The following CALN1 variants were observed in gnomAD, a reference collection of about 807,000 sequenced individuals.
CALN1 encodes calneuron 1.
A neutral mutation model predicts 30.6 loss-of-function variants in CALN1; 17 were observed. The ratio of observed to expected loss-of-function variants is 0.56; its 90% CI spans 0.38 to 0.83. The LOEUF is 0.83. CALN1 is among the 40% of genes least tolerant of loss of function. The probability of loss-of-function intolerance (pLI) is 0.00; values close to 1 mark genes in which losing one functional copy is unlikely to be tolerated. For synonymous variants in CALN1, 156 were observed against 131.4 expected, an observed-to-expected ratio of 1.19 and a Z score of -1.28; for missense variants, 291 against 354.9, an observed-to-expected ratio of 0.82 and a Z score of 1.45.
At chr7:72,394,277 G>C (rs1412402095) in intron 2 of CALN1, among the ~76,000 whole-genome samples, 1 of 152,142 alleles carries the variant, frequency 6.6e-6, no homozygotes, top group African/African-American at 2.4e-5. Flanking sequence ...TCCCTTAGGT[G>C]AATTGGTATG....
At chr7:72,397,215 T>C (rs1327690149) in intron 2 of CALN1, among the ~76,000 whole-genome samples, 1 of 152,084 alleles carries the variant, frequency 6.6e-6, no homozygotes, top group East Asian at 1.9e-4. Flanking sequence ...TCAACCCATG[T>C]AGGATTTTAC....
chr7:72,339,985 A>G lies in CALN1; in HGVS notation c.120-61175T>C, dbSNP rs747135510. Among the ~76,000 whole-genome samples the G allele has an allele frequency of 6.6e-5, 10 of 152,324 alleles. No homozygotes were observed. In the South Asian group the frequency reaches 2.1e-3, roughly 32 times the overall value. On this transcript the variant is annotated intron_variant, in intron 2 of 6. Coordinates refer to ENST00000395275, the MANE Select transcript of CALN1 (RefSeq NM_031468.4). The stretch of plus-strand genomic sequence containing the variant: ...CTATCATTCCCTATAGAATCTAAAC[A>G]TAACATCTTAGTGTCCTTCAGTTGT...
intron 5 of CALN1, among the ~76,000 whole-genome samples, chr7:71,845,136 G>T (rs756358695): frequency 6.6e-6 from 1 of 151,954 alleles, no homozygotes; most frequent in African/African-American, 2.4e-5. Flanking sequence ...CTCCTGCCTC[G>T]GCCTCCCAAA....
chr7:72,463,416 T>C, the CALN1 span, among the ~76,000 whole-genome samples: 1 of 152,300 alleles, frequency 6.6e-6, no homozygotes, highest in African/African-American at 2.4e-5. Context: ...GTGTTGGGAT[T>C]ATAAGCATCA....
At chr7:72,249,182 G>T (rs1444678946) in intron 3 of CALN1, among the ~76,000 whole-genome samples, 2 of 152,090 alleles carry the variant, frequency 1.3e-5, no homozygotes, top group Admixed American at 6.6e-5. Flanking sequence ...ACAAGCTCAG[G>T]CCACCCCTGC....
intron 2 of CALN1, among the ~76,000 whole-genome samples, chr7:72,344,283 G>A (rs928626900): frequency 1.3e-4 from 20 of 152,034 alleles, no homozygotes; most frequent in African/African-American, 4.3e-4. Flanking sequence ...ACCACAAGAG[G>A]CAGTCATAAA....
intron 2 of CALN1, among the ~76,000 whole-genome samples, chr7:72,315,104 C>T (rs12537060): frequency 0.24 from 36,594 of 151,700 alleles, 5,605 homozygotes; most frequent in Non-Finnish European, 0.34. Context: ...GAGCTATGAT[C>T]GCACCACTGC....
chr7:72,492,624 C>A, the CALN1 span, among the ~76,000 whole-genome samples: 3 of 152,214 alleles, frequency 2.0e-5, no homozygotes, highest in African/African-American at 7.2e-5. Context: ...GCTGTGGGGG[C>A]ACCATGCCAA....
chr7:72,391,391 C>G (rs759117125), intron 2 of CALN1, among the ~76,000 whole-genome samples: 11 of 152,160 alleles, frequency 7.2e-5, no homozygotes, highest in Admixed American at 7.2e-4. Context: ...CCCTAGAATC[C>G]TACTTTTCCA....
intron 5 of CALN1, among the ~76,000 whole-genome samples, 193 bp downstream of exon 5, chr7:72,023,463 GA>G (rs1481684389): frequency 1.3e-5 from 2 of 152,060 alleles, no homozygotes; most frequent in East Asian, 3.9e-4. Context: ...ATTGCTACAA[GA>G]AAAAAATGGG....
intron 3 of CALN1, among the ~76,000 whole-genome samples, chr7:72,108,798 A>G (rs1434462863): frequency 6.6e-6 from 1 of 152,218 alleles, no homozygotes; most frequent in Non-Finnish European, 1.5e-5. Context: ...TCTTTCTGAC[A>G]AGCTAGATAT....
intron 3 of CALN1, among the ~76,000 whole-genome samples, chr7:72,211,037 G>A (rs575161767): frequency 6.6e-6 from 1 of 152,066 alleles, no homozygotes; most frequent in Non-Finnish European, 1.5e-5. Context: ...CTGGATGACA[G>A]AGCAAGACCC....
chr7:72,445,491 C>T (rs1808500720), intron 1 of CALN1, among the ~76,000 whole-genome samples: 1 of 152,196 alleles, frequency 6.6e-6, no homozygotes, highest in Non-Finnish European at 1.5e-5. Flanking sequence ...CTTTAACCAG[C>T]ATGACCAAGG....
intron 2 of CALN1, among the ~76,000 whole-genome samples, chr7:72,320,600 C>T (rs187235126): frequency 1.1e-3 from 165 of 152,108 alleles, no homozygotes; most frequent in Non-Finnish European, 2.1e-3. Context: ...TTTGGGAGGC[C>T]GCGGTGGTCG....
chr7:72,110,536 C>T (rs1178187340), intron 3 of CALN1, among the ~76,000 whole-genome samples: 2 of 152,180 alleles, frequency 1.3e-5, no homozygotes, highest in East Asian at 3.9e-4. Flanking sequence ...TAGGACAAAG[C>T]TGTCCTTCTT....
At chr7:72,039,453 G>C (rs371563803) in intron 4 of CALN1, among the ~76,000 whole-genome samples, 1 of 152,172 alleles carries the variant, frequency 6.6e-6, no homozygotes, top group Non-Finnish European at 1.5e-5. Context: ...AACTCTTAAG[G>C]AATCAAAAGT....
intron 6 of CALN1, among the ~76,000 whole-genome samples, chr7:71,795,593 C>G (rs1400042059): frequency 3.9e-5 from 6 of 152,128 alleles, no homozygotes; most frequent in Non-Finnish European, 7.4e-5. Context: ...CATTTTTTCA[C>G]CCTAAAAAGA....
chr7:71,805,082 T>G lies in CALN1; in HGVS notation c.658+5254A>C, dbSNP rs973384103. Among the ~76,000 whole-genome samples the G allele has an allele frequency of 2.0e-5, 3 of 152,356 alleles. No individual in the cohort carries two copies. In the East Asian group the frequency reaches 5.8e-4, roughly 29 times the overall value. ...CAGCATTTTGAAATCTTTTCCATGCTCCAGATCTCAGTCCCACCTCCAGCT... is the reference window on the plus strand; with the variant it reads ...CAGCATTTTGAAATCTTTTCCATGCGCCAGATCTCAGTCCCACCTCCAGCT... On this transcript the variant is annotated intron_variant, in intron 6 of 6. Transcript: ENST00000395275.
At position 72,163,391 on chromosome 7, in the gene CALN1, T is replaced by TAAAAA. The variant is rs1563111506; in HGVS notation, c.245-57098_245-57097insTTTTT. On this transcript the variant is annotated intron_variant, in intron 3 of 6. Coordinates refer to ENST00000395275, the MANE Select transcript of CALN1 (RefSeq NM_031468.4). The stretch of plus-strand genomic sequence containing the variant: ...CTACAAGAAAAAAACTTATTGGAGA[T>TAAAAA]TAAAAAAAAAAAAAAAAAACAGAAA... Among the ~76,000 whole-genome samples the TAAAAA allele has an allele frequency of 6.6e-3, 864 of 130,352 alleles. 25 individuals carry two copies. The highest frequency in any genetic ancestry group is 0.011 in the African/African-American group (375 of 35,116). 85.5% of individuals were successfully genotyped at this position (130,352 alleles called of 152,430 possible). A position where few individuals can be genotyped will look rare whatever the true frequency, so the allele number is the denominator to read the frequency against.
Sources: gnomAD v4.1 joint callset for allele counts (sites outside exome capture counted in the v4.1 genomes callset) on GRCh38, gnomAD v4.1.1 for gene constraint, MANE v1.5 for transcripts, NCBI Gene and HGNC (gene_info 2026-07-23, HGNC 2026-07-21) for gene names.